BBS9: variants seen among roughly 807,000 people sequenced by gnomAD.
BBS9 encodes protein PTHB1.
BBS9 carries 89 observed loss-of-function variants against 117.7 expected under a neutral mutation model. The observed-to-expected ratio is 0.76, with a 90% confidence interval of 0.64 to 0.90. The LOEUF (loss-of-function observed/expected upper bound fraction) is 0.90, where lower values mean the gene tolerates loss of function less well. Ranked by LOEUF, BBS9 falls within the 40% of genes least tolerant of loss-of-function variation. BBS9 has a pLI of 0.00. For missense variants in BBS9, 982 were observed against 1,042.2 expected (o/e 0.94, Z 0.80); for synonymous variants, 379 against 370.9 (o/e 1.02, Z -0.25).
intron 9 of BBS9, among the ~76,000 whole-genome samples, chr7:33,313,078 C>T (rs1185619691): frequency 2.7e-5 from 4 of 150,438 alleles, no homozygotes; most frequent in Admixed American, 6.6e-5. Flanking sequence ...CGCACAGGCA[C>T]GTATTTGTAT....
At chr7:33,492,602 G>T (rs1844141268) in intron 19 of BBS9, among the ~76,000 whole-genome samples, 2 of 152,228 alleles carry the variant, frequency 1.3e-5, no homozygotes, top group South Asian at 4.1e-4. Context: ...AAACAATAAG[G>T]AGTAATGTGC....
intron 5 of BBS9, among the ~76,000 whole-genome samples, chr7:33,192,826 AGAG>A (rs1784345445): frequency 6.6e-6 from 1 of 152,238 alleles, no homozygotes; most frequent in Non-Finnish European, 1.5e-5. Flanking sequence ...GCAGAAGAAC[AGAG>A]GAGCAGAAGA....
chr7:33,585,194 A>G (rs919023274), intron 21 of BBS9, among the ~76,000 whole-genome samples: 5 of 152,078 alleles, frequency 3.3e-5, no homozygotes, highest in Non-Finnish European at 7.4e-5. Context: ...CTCAGGGTCT[A>G]TCTTCATTGG....
intron 5 of BBS9, among the ~76,000 whole-genome samples, chr7:33,215,816 C>T (rs981985401): frequency 1.3e-4 from 20 of 152,330 alleles, no homozygotes; most frequent in Admixed American, 3.9e-4. Context: ...CTCATGATGA[C>T]AGAGAAGCTG....
chr7:33,396,441 ATAGATAC>A (rs1563115492), intron 19 of BBS9, among the ~76,000 whole-genome samples: 2 of 152,210 alleles, frequency 1.3e-5, no homozygotes, highest in African/African-American at 2.4e-5. Flanking sequence ...TGTGTCTATA[ATAGATAC>A]ATTTGCAAAA....
At chr7:33,306,740 G>C (rs543934423) in intron 9 of BBS9, among the ~76,000 whole-genome samples, 1 of 152,170 alleles carries the variant, frequency 6.6e-6, no homozygotes. Context: ...ATAGCTTTTT[G>C]AAAATTATTA....
rs199624401 is a variant in BBS9 at position 33,538,780 on chromosome 7, A to AC, written c.2521+4604_2521+4605insC. Among the ~76,000 whole-genome samples, 993 of 151,894 alleles carry AC rather than the reference A, an allele frequency of 6.5e-3. 13 individuals carry two copies. The highest frequency in any genetic ancestry group is 0.023 in the African/African-American group (946 of 41,416). Reference sequence around the variant, plus strand: ...AATACTTTATCTTGACATTAAAAAAAAAAAAGGGAGTGAGTTCCAAAATGG... The same window carrying AC: ...AATACTTTATCTTGACATTAAAAAAACAAAAAGGGAGTGAGTTCCAAAATGG... On this transcript the variant is annotated intron_variant, in intron 21 of 22. Coordinates refer to ENST00000242067, the MANE Select transcript of BBS9 (RefSeq NM_198428.3).
At chr7:33,555,912 G>A (rs1318034800) in intron 21 of BBS9, among the ~76,000 whole-genome samples, 2 of 152,164 alleles carry the variant, frequency 1.3e-5, no homozygotes, top group Non-Finnish European at 2.9e-5. Flanking sequence ...ATTACTGCCA[G>A]TATATCTCAT....
In BBS9 at chr7:33,239,958, T is replaced by A. The variant is rs1794197509; in HGVS notation, c.443-17278T>A. ...CAGGAGTTTGAGGCTGCAGTGATTG[T>A]GCCACCGTACTCCAGTCTGGGTGAC... On this transcript the variant is annotated intron_variant, in intron 5 of 22. Coordinates refer to ENST00000242067, the MANE Select transcript of BBS9 (RefSeq NM_198428.3). Among the ~76,000 whole-genome samples the A allele has an allele frequency of 2.0e-5, 3 of 152,208 alleles. No individual in the cohort carries two copies. The South Asian group carries it at 6.2e-4, about 32-fold the overall frequency.
intron 21 of BBS9, among the ~76,000 whole-genome samples, chr7:33,534,868 G>A (rs1472783789): frequency 6.6e-6 from 1 of 152,172 alleles, no homozygotes; most frequent in Non-Finnish European, 1.5e-5. Context: ...GCAGCAAGGA[G>A]CATTACATCA....
chr7:33,488,460 G>T (rs904407545), intron 19 of BBS9, among the ~76,000 whole-genome samples: 5 of 152,184 alleles, frequency 3.3e-5, no homozygotes, highest in African/African-American at 1.2e-4. Context: ...CTTAAAGGAG[G>T]ATGTTGATGT....
At chr7:33,265,474 G>T (rs1372300732) in intron 7 of BBS9, among the ~76,000 whole-genome samples, 2 of 151,474 alleles carry the variant, frequency 1.3e-5, no homozygotes, top group African/African-American at 2.4e-5. Flanking sequence ...CTTTTTTTTT[G>T]AGCAAGTTAC....
chr7:33,258,098 G>C (rs1797383779), intron 6 of BBS9, among the ~76,000 whole-genome samples: 1 of 152,154 alleles, frequency 6.6e-6, no homozygotes, highest in Non-Finnish European at 1.5e-5. Flanking sequence ...TGGAGAGTAT[G>C]TTTTTTATTG....
intron 21 of BBS9, among the ~76,000 whole-genome samples, chr7:33,569,240 T>C (rs1396284776): frequency 6.6e-6 from 1 of 152,134 alleles, no homozygotes; most frequent in Non-Finnish European, 1.5e-5. Context: ...TCGCTCAAGT[T>C]AGTGAATTTG....
chr7:33,339,510 C>T (rs946189312), intron 10 of BBS9, among the ~76,000 whole-genome samples: 1 of 152,140 alleles, frequency 6.6e-6, no homozygotes, highest in East Asian at 1.9e-4. Context: ...GTGGGAATGC[C>T]TGATAGCAGT....
At chr7:33,364,522 C>T (rs1485852532) in intron 16 of BBS9, among the ~76,000 whole-genome samples, 3 of 151,594 alleles carry the variant, frequency 2.0e-5, no homozygotes, top group African/African-American at 4.9e-5. Context: ...TTTTTTCCTC[C>T]TCTCACTGTA....
intron 5 of BBS9, among the ~76,000 whole-genome samples, chr7:33,215,523 G>A (rs902848428): frequency 1.3e-5 from 2 of 152,134 alleles, no homozygotes; most frequent in Admixed American, 1.3e-4. Flanking sequence ...ATTAAGACCT[G>A]AAAATAGATT....
At chr7:33,176,478 G>C (rs540111247) in intron 4 of BBS9, among the ~76,000 whole-genome samples, 1 of 152,090 alleles carries the variant, frequency 6.6e-6, no homozygotes, top group African/African-American at 2.4e-5. Context: ...GGAAATTTCT[G>C]TAAATTTGTT....
chr7:33,340,343 A>G (rs970763557), intron 10 of BBS9, among the ~76,000 whole-genome samples: 2 of 152,224 alleles, frequency 1.3e-5, no homozygotes, highest in Admixed American at 6.5e-5. Flanking sequence ...ATCAGTATGT[A>G]AAGATGGACA....
Sources: allele counts gnomAD v4.1 joint callset (sites outside exome capture counted in the v4.1 genomes callset), GRCh38; gene constraint gnomAD v4.1.1; transcripts MANE v1.5; gene names NCBI Gene and HGNC (gene_info 2026-07-23, HGNC 2026-07-21).